TAS2R1: variants seen among roughly 807,000 people sequenced by gnomAD.
TAS2R1 encodes taste 2 receptor member 1, also known as taste receptor type 2 member 1.
For synonymous variants in TAS2R1, 141 were observed against 134.2 expected (o/e 1.05, Z -0.35); for missense variants, 370 against 353.4 (o/e 1.05, Z -0.38).
chr5:9,857,702 T>C, the TAS2R1 span, among the ~76,000 whole-genome samples: 1 of 152,210 alleles, frequency 6.6e-6, no homozygotes, highest in Non-Finnish European at 1.5e-5. Flanking sequence ...GTAGGAGTTA[T>C]GTCTCGTTAT....
At chr5:9,782,967 C>T in the TAS2R1 span, among the ~76,000 whole-genome samples, 1 of 152,156 alleles carries the variant, frequency 6.6e-6, no homozygotes, top group Non-Finnish European at 1.5e-5. Flanking sequence ...AAAGTCCTGG[C>T]TCTTTAGTGG....
intron 2 of TAS2R1, among the ~76,000 whole-genome samples, chr5:9,642,862 C>T (rs1401654076): frequency 6.6e-6 from 1 of 152,160 alleles, no homozygotes; most frequent in Non-Finnish European, 1.5e-5. Flanking sequence ...TGGGAATAGT[C>T]TCTAGTCCTC....
the TAS2R1 span, among the ~76,000 whole-genome samples, chr5:9,827,687 G>A: frequency 6.6e-6 from 1 of 152,110 alleles, no homozygotes; most frequent in Non-Finnish European, 1.5e-5. Context: ...AGAGGCTGAA[G>A]TGGGACTATC....
chr5:9,803,599 A>G, the TAS2R1 span, among the ~76,000 whole-genome samples: 2 of 152,236 alleles, frequency 1.3e-5, no homozygotes, highest in African/African-American at 4.8e-5. Context: ...AGCCTCCTCA[A>G]ACAAAGCAAA....
At chr5:9,783,662 T>G in the TAS2R1 span, among the ~76,000 whole-genome samples, 2 of 152,266 alleles carry the variant, frequency 1.3e-5, no homozygotes, top group Non-Finnish European at 2.9e-5. Context: ...AATAAGAATA[T>G]TTCAATCTTT....
the TAS2R1 span, among the ~76,000 whole-genome samples, chr5:9,799,896 C>A: frequency 6.6e-6 from 1 of 152,098 alleles, no homozygotes; most frequent in South Asian, 2.1e-4. Context: ...TCAGTGGAAA[C>A]GTTTTTCGTA....
the TAS2R1 span, among the ~76,000 whole-genome samples, chr5:9,723,309 G>C: frequency 6.6e-6 from 1 of 152,180 alleles, no homozygotes; most frequent in African/African-American, 2.4e-5. Flanking sequence ...ATTATCGTGG[G>C]CTTCTAGTCT....
chr5:9,886,577 G>A, the TAS2R1 span, among the ~76,000 whole-genome samples: 278 of 151,028 alleles, frequency 1.8e-3, 8 homozygotes, highest in East Asian at 0.046. Flanking sequence ...CAGATGATCC[G>A]CCCACCTCGG....
At chr5:9,780,472 C>T in the TAS2R1 span, among the ~76,000 whole-genome samples, 2 of 152,336 alleles carry the variant, frequency 1.3e-5, no homozygotes, top group Admixed American at 6.5e-5. Flanking sequence ...ATGGACATTG[C>T]TAATTCTATA....
At chr5:9,643,743 T>A (rs1352720993) in intron 2 of TAS2R1, among the ~76,000 whole-genome samples, 1 of 152,296 alleles carries the variant, frequency 6.6e-6, no homozygotes, top group South Asian at 2.1e-4. Flanking sequence ...ACTGTAGTAA[T>A]GAACAAGACA....
At chr5:9,679,101 A>C (rs1205348006) in intron 1 of TAS2R1, among the ~76,000 whole-genome samples, 1 of 152,218 alleles carries the variant, frequency 6.6e-6, no homozygotes, top group African/African-American at 2.4e-5. Flanking sequence ...GAAATGAGCC[A>C]AACTGCAAAT....
At chr5:9,636,694 T>C (rs1258139934) in intron 2 of TAS2R1, among the ~76,000 whole-genome samples, 1 of 152,170 alleles carries the variant, frequency 6.6e-6, no homozygotes, top group African/African-American at 2.4e-5. Flanking sequence ...TTTTTGTCTC[T>C]TTTTTACTGT....
rs10681888 is a variant in TAS2R1 at position 9,681,531 on chromosome 5, C to CAAAAAAAAAAAAAAAAAA, written c.-241-21968_-241-21951dup. On this transcript the variant is annotated intron_variant, in intron 1 of 2. Transcript: ENST00000506620. Reference sequence around the variant, plus strand: ...TTTCAGGGGACTTCTCATGTTTCTGCAAAAAAAAAAAAAAAAAAAGATGCC... The same window carrying CAAAAAAAAAAAAAAAAAA: ...TTTCAGGGGACTTCTCATGTTTCTGCAAAAAAAAAAAAAAAAAAAAAAAAAAAAAAAAAAAAAGATGCC... 7.6e-4 allele frequency among the ~76,000 whole-genome samples: 67 copies of CAAAAAAAAAAAAAAAAAA among 87,850 alleles called. 3 individuals carry two copies. Among genetic ancestry groups the CAAAAAAAAAAAAAAAAAA allele is most frequent in the African/African-American group, 2.4e-3 (56 of 23,128 alleles). The allele number at this position is 87,850 out of a possible 152,430, so 57.6% of individuals were successfully genotyped here.
chr5:9,747,852 G>A, the TAS2R1 span, among the ~76,000 whole-genome samples: 1 of 151,270 alleles, frequency 6.6e-6, no homozygotes, highest in Non-Finnish European at 1.5e-5. Context: ...CTAATCTGGA[G>A]AGGCCAGTAA....
At chr5:9,736,314 A>C in the TAS2R1 span, among the ~76,000 whole-genome samples, 20 of 152,216 alleles carry the variant, frequency 1.3e-4, no homozygotes, top group Non-Finnish European at 2.8e-4. Context: ...ATGGTCTAGC[A>C]GGACAGCGTC....
At chr5:9,693,556 A>AG (rs1178086153) in intron 1 of TAS2R1, among the ~76,000 whole-genome samples, 3 of 149,844 alleles carry the variant, frequency 2.0e-5, no homozygotes, top group South Asian at 2.1e-4. Flanking sequence ...AAAGAGAGAG[A>AG]AAAAGAAAGA....
the TAS2R1 span, among the ~76,000 whole-genome samples, chr5:9,730,035 A>G: frequency 6.6e-6 from 1 of 152,152 alleles, no homozygotes; most frequent in Admixed American, 6.5e-5. Context: ...TTATAAATAT[A>G]TGAATGCCAG....
the TAS2R1 span, among the ~76,000 whole-genome samples, chr5:9,827,028 T>C: frequency 6.6e-6 from 1 of 152,184 alleles, no homozygotes. Flanking sequence ...GAATTTCAAT[T>C]CTATAACTTT....
chr5:9,701,116 G>A (rs920643087), intron 1 of TAS2R1, among the ~76,000 whole-genome samples: 1 of 152,018 alleles, frequency 6.6e-6, no homozygotes, highest in African/African-American at 2.4e-5. Context: ...AAGCGGAAGT[G>A]GGCAGAACAA....
Sources: allele counts gnomAD v4.1 joint callset (sites outside exome capture counted in the v4.1 genomes callset), GRCh38; gene constraint gnomAD v4.1.1; transcripts MANE v1.5; gene names NCBI Gene and HGNC (gene_info 2026-07-23, HGNC 2026-07-21).